HAGH: variants seen among roughly 807,000 people sequenced by gnomAD.
The protein encoded by HAGH is hydroxyacylglutathione hydrolase.
HAGH carries 29 observed loss-of-function variants against 35.1 expected under a neutral mutation model. The ratio of observed to expected loss-of-function variants is 0.83; its 90% CI spans 0.62 to 1.13. The LOEUF is 1.13. HAGH is among the 50% of genes most tolerant of loss of function. The probability of loss-of-function intolerance (pLI) is 0.00; values close to 1 mark genes in which losing one functional copy is unlikely to be tolerated. For missense variants in HAGH, 478 were observed against 419.6 expected (o/e 1.14, Z -1.22); for synonymous variants, 225 against 176.1 (o/e 1.28, Z -2.20).
chr16:1,821,343 G>A (rs1195279399), intron 3 of HAGH, among the ~76,000 whole-genome samples: 1 of 152,194 alleles, frequency 6.6e-6, no homozygotes, highest in Non-Finnish European at 1.5e-5. Context: ...CCACCACCAA[G>A]GAGAGGACCA....
chr16:1,823,856 G>T (rs1898272413), intron 1 of HAGH, among the ~76,000 whole-genome samples: 1 of 149,516 alleles, frequency 6.7e-6, no homozygotes, highest in African/African-American at 2.5e-5. Context: ...TCAGACTTAC[G>T]ATCTCTATTT....
intron 1 of HAGH, among the ~76,000 whole-genome samples, chr16:1,823,989 TA>T (rs1202202835): frequency 6.6e-6 from 1 of 152,078 alleles, no homozygotes; most frequent in Non-Finnish European, 1.5e-5. Flanking sequence ...GAACACAGAC[TA>T]GGGGTGCCCC....
At chr16:1,826,046 C>G (rs190341075) in intron 1 of HAGH, among the ~76,000 whole-genome samples, 1 of 152,236 alleles carries the variant, frequency 6.6e-6, no homozygotes, top group Non-Finnish European at 1.5e-5. Flanking sequence ...ATTCTGAGGA[C>G]CTCAAAATCC....
chr16:1,808,269 A>C lies in HAGH; in HGVS notation c.*1014T>G, dbSNP rs764704893. 31 of 151,892 alleles carry C rather than the reference A, an allele frequency of 2.0e-4. No homozygotes were observed. The highest frequency in any genetic ancestry group is 7.5e-4 in the African/African-American group (31 of 41,310). 9.4% of individuals were successfully genotyped at this position (151,892 alleles called of 1,614,324 possible). A position where few individuals can be genotyped will look rare whatever the true frequency, so the allele number is the denominator to read the frequency against. On this transcript the variant is annotated 3_prime_UTR_variant, in exon 9 of 9. Coordinates refer to ENST00000397356, the MANE Select transcript of HAGH (RefSeq NM_005326.6). ...ACTACAGCTGCACACCACCCTGCCC[A>C]GGTAACTTTTTAAAAAGATTATTAT...
At position 1,822,891 on chromosome 16, in the gene HAGH, T is replaced by C; in HGVS notation, c.223A>G (p.Ile75Val). Residue 75 changes from isoleucine (I) to valine (V), a missense_variant, in exon 2 of 9, where the codon ATT (isoleucine) becomes GTT (valine). By Grantham distance (29) the Ile-to-Val change is conservative. Coordinates refer to ENST00000397356, the MANE Select transcript of HAGH (RefSeq NM_005326.6). ...VIDDETKEAA[I>V]VDPVQPQKVV... ...TTCTGGGGCTGCACCGGATCCACAA[T>C]GGCAGCCTCCTTGGTCTCATCATCA... 1 of 1,613,806 alleles carries C rather than the reference T, an allele frequency of 6.2e-7. No homozygotes were observed. The highest frequency in any genetic ancestry group is 1.1e-5 in the South Asian group (1 of 91,082).
At chr16:1,813,639 C>T (rs35926706) in intron 7 of HAGH, among the ~76,000 whole-genome samples, 19,597 of 152,200 alleles carry the variant, frequency 0.13, 1,676 homozygotes, top group South Asian at 0.19. Flanking sequence ...TCGCAATTCT[C>T]GCCACATCAG....
chr16:1,827,102 T>C (rs913011357), upstream of HAGH: 54 of 1,313,968 alleles, frequency 4.1e-5, no homozygotes, highest in Non-Finnish European at 5.5e-5. Flanking sequence ...GCCGCCCGGG[T>C]ACCCGGCAGA....
intron 5 of HAGH, chr16:1,818,483 TG>T (rs1233106509): frequency 2.6e-5 from 4 of 152,342 alleles, no homozygotes; most frequent in Admixed American, 6.5e-5. Flanking sequence ...GGTTCAAGGC[TG>T]GGGCTGCCAC....
At chr16:1,818,701 C>T (rs1324315800) in intron 5 of HAGH, 2 of 169,608 alleles carry the variant, frequency 1.2e-5, no homozygotes, top group African/African-American at 4.8e-5. Flanking sequence ...ATGACCTCCA[C>T]AGGTGGCTCC....
In HAGH at chr16:1,808,913, C is replaced by T. The variant is rs993897208; in HGVS notation, c.*370G>A. ...CAGATCAGACCACAAGCACAGGCTG[C>T]AAAGGTACCGACCGCAGCAGTGGGC... On this transcript the variant is annotated 3_prime_UTR_variant, in exon 9 of 9. Coordinates refer to ENST00000397356, the MANE Select transcript of HAGH (RefSeq NM_005326.6). 3 of 212,732 alleles carry T rather than the reference C, an allele frequency of 1.4e-5. No homozygotes were observed. The highest frequency in any genetic ancestry group is 2.8e-5 in the Non-Finnish European group (3 of 106,360). 13.2% of individuals were successfully genotyped at this position (212,732 alleles called of 1,614,324 possible). A position where few individuals can be genotyped will look rare whatever the true frequency, so the allele number is the denominator to read the frequency against.
intron 7 of HAGH, among the ~76,000 whole-genome samples, chr16:1,815,341 C>G (rs981748711): frequency 6.6e-6 from 1 of 152,162 alleles, no homozygotes; most frequent in African/African-American, 2.4e-5. Context: ...TATCCAAGAG[C>G]AATAAAAACA....
At chr16:1,817,628 G>A (rs1057293496) in intron 5 of HAGH, among the ~76,000 whole-genome samples, 1 of 152,110 alleles carries the variant, frequency 6.6e-6, no homozygotes, top group Non-Finnish European at 1.5e-5. Flanking sequence ...TCTTCCCTTG[G>A]CCCCAGCAGC....
chr16:1,825,141 AC>A (rs10717039), intron 1 of HAGH, among the ~76,000 whole-genome samples: 109,878 of 151,800 alleles, frequency 0.72, 40,114 homozygotes, highest in Middle Eastern at 0.8. Flanking sequence ...ATATGGTGAA[AC>A]CCTGTCTCTA....
chr16:1,825,076 T>C (rs1898336738), intron 1 of HAGH, among the ~76,000 whole-genome samples: 1 of 152,210 alleles, frequency 6.6e-6, no homozygotes, highest in Non-Finnish European at 1.5e-5. Context: ...CCCAGCACTT[T>C]GGGAGGCCGA....
chr16:1,819,371 A>T (rs1306202905), intron 4 of HAGH, 148 bp from the exon 5 acceptor site: 5 of 604,638 alleles, frequency 8.3e-6, no homozygotes, highest in Non-Finnish European at 2.9e-6. Flanking sequence ...CCACCACGGG[A>T]CTGGGGGACT....
intron 7 of HAGH, 82 bp downstream of exon 7, chr16:1,816,811 C>G: frequency 1.2e-6 from 1 of 834,244 alleles, no homozygotes; most frequent in Admixed American, 1.9e-5. Context: ...GTGTGAGTGT[C>G]TACCCACTCT....
chr16:1,821,240 TCA>T, intron 3 of HAGH, among the ~76,000 whole-genome samples: 1 of 152,276 alleles, frequency 6.6e-6, no homozygotes, highest in Middle Eastern at 3.4e-3. Flanking sequence ...GGGGCCCAAC[TCA>T]CAGAGCCTGA....
intron 7 of HAGH, chr16:1,810,623 G>C (rs1897603779): frequency 6.5e-6 from 1 of 153,486 alleles, no homozygotes; most frequent in African/African-American, 2.4e-5. Context: ...CCAACAGTTA[G>C]CAGGAAAACA....
At position 1,820,057 on chromosome 16, in the gene HAGH, G is replaced by T. The variant is rs754893414; in HGVS notation, c.315-43C>A. 5 of 232,430 alleles carry T rather than the reference G, an allele frequency of 2.2e-5. No individual in the cohort carries two copies. In the African/African-American group the frequency reaches 3.6e-4, roughly 17 times the overall value. The allele number at this position is 232,430 out of a possible 1,614,324, so 14.4% of individuals were successfully genotyped here. A position where few individuals can be genotyped will look rare whatever the true frequency, so the allele number is the denominator to read the frequency against. On this transcript the variant is annotated intron_variant, in intron 3 of 8. Coordinates refer to ENST00000397356, the MANE Select transcript of HAGH (RefSeq NM_005326.6). ...GACCTGGGCTGCCTGCTGAGCTGAG[G>T]GGGCTGCCTGCTGAGCTGAGGGGGC... is the stretch of plus-strand genomic sequence containing the variant.
Sources: allele counts gnomAD v4.1 joint callset (sites outside exome capture counted in the v4.1 genomes callset), GRCh38; gene constraint gnomAD v4.1.1; transcripts MANE v1.5; gene names NCBI Gene and HGNC (gene_info 2026-07-23, HGNC 2026-07-21).